The following PIK3C2G variants were observed in gnomAD, a reference collection of about 807,000 sequenced individuals.
PIK3C2G encodes phosphatidylinositol 3-kinase C2 domain-containing subunit gamma.
A neutral mutation model predicts 181.1 loss-of-function variants in PIK3C2G; 168 were observed. That is an observed-to-expected ratio of 0.93 (90% CI 0.82 to 1.05). The LOEUF (loss-of-function observed/expected upper bound fraction) is 1.05, where lower values mean the gene tolerates loss of function less well. Among genes scored for constraint, PIK3C2G ranks in the 50% least tolerant of loss-of-function variants. The pLI, the probability that PIK3C2G is intolerant of heterozygous loss-of-function variation, is 0.00. For missense variants in PIK3C2G, 1,869 were observed against 1,732.8 expected (o/e 1.08, Z -1.40); for synonymous variants, 573 against 592.2 (o/e 0.97, Z 0.47).
At chr12:18,294,246 T>G (rs972527673) in intron 5 of PIK3C2G, among the ~76,000 whole-genome samples, 1 of 152,120 alleles carries the variant, frequency 6.6e-6, no homozygotes, top group Non-Finnish European at 1.5e-5. Context: ...GACCTGTGAC[T>G]AGGGTGACCA....
chr12:18,282,509 T>C lies in PIK3C2G; in HGVS notation c.428T>C (p.Ile143Thr), dbSNP rs1302155146. The C allele has an allele frequency of 3.7e-6, 6 of 1,612,094 alleles. No homozygotes were observed. Among genetic ancestry groups the C allele is most frequent in the South Asian group, 1.1e-5 (1 of 91,046 alleles). Reference sequence around the variant, plus strand: ...GGTGCTGATGATTCCAGATTCAGTATTTTAGCTCCATCATTCACAAGTTTG... The same window carrying C: ...GGTGCTGATGATTCCAGATTCAGTACTTTAGCTCCATCATTCACAAGTTTG... ...HHGADDSRFS[I>T]LAPSFTSLDK... Residue 143 changes from isoleucine (I) to threonine (T), a missense_variant, in exon 2 of 33, where the codon ATT (isoleucine) becomes ACT (threonine). Physicochemically the swap from Ile to Thr is moderately conservative, Grantham distance 89. Coordinates refer to ENST00000538779, the MANE Select transcript of PIK3C2G (RefSeq NM_001288772.2).
chr12:18,651,078 T>C (rs2136892492), downstream of PIK3C2G, among the ~76,000 whole-genome samples: 1 of 152,076 alleles, frequency 6.6e-6, no homozygotes, highest in African/African-American at 2.4e-5. Flanking sequence ...TGATCTGACC[T>C]CCCATCCTCA....
intron 18 of PIK3C2G, among the ~76,000 whole-genome samples, chr12:18,473,585 C>T (rs1209219217): frequency 1.3e-5 from 2 of 152,198 alleles, no homozygotes; most frequent in South Asian, 2.1e-4. Context: ...TCTAGAGCAG[C>T]CATTCAGTAC....
In PIK3C2G at chr12:18,266,815, C is replaced by T. The variant is rs558549137; in HGVS notation, c.-79+5238C>T. Among the ~76,000 whole-genome samples the T allele has an allele frequency of 1.6e-4, 24 of 151,860 alleles. No individual in the cohort carries two copies. In the South Asian group the frequency reaches 4.8e-3, roughly 30 times the overall value. The stretch of plus-strand genomic sequence containing the variant: ...CTTTTTCTTCCTCCTCTCGTCCTCT[C>T]TCCCTCCCTCCCTTCTTCCTCCTCC... On this transcript the variant is annotated intron_variant, in intron 1 of 32. Coordinates refer to ENST00000538779, the MANE Select transcript of PIK3C2G (RefSeq NM_001288772.2).
chr12:18,583,233 C>A (rs1280226420), intron 29 of PIK3C2G, among the ~76,000 whole-genome samples: 6 of 152,066 alleles, frequency 3.9e-5, no homozygotes, highest in African/African-American at 1.4e-4. Flanking sequence ...GAAGGGCAAG[C>A]CACTATATTT....
intron 18 of PIK3C2G, among the ~76,000 whole-genome samples, chr12:18,484,738 C>T (rs924850012): frequency 2.0e-5 from 3 of 152,174 alleles, no homozygotes; most frequent in Admixed American, 2.0e-4. Flanking sequence ...CTCTTAGCCA[C>T]TTAGAGGTAA....
chr12:18,295,686 A>G (rs1436533130), intron 5 of PIK3C2G, among the ~76,000 whole-genome samples: 1 of 149,100 alleles, frequency 6.7e-6, no homozygotes. Context: ...AAGTTGCCAA[A>G]TATTAATATA....
intron 5 of PIK3C2G, among the ~76,000 whole-genome samples, chr12:18,310,683 G>A (rs1037704615): frequency 2.1e-4 from 32 of 151,742 alleles, no homozygotes; most frequent in African/African-American, 6.5e-4. Flanking sequence ...ATATGTTTAT[G>A]AATGTCAAGG....
upstream of PIK3C2G, among the ~76,000 whole-genome samples, chr12:18,259,057 T>C (rs1213213259): frequency 1.3e-5 from 2 of 152,154 alleles, no homozygotes; most frequent in Non-Finnish European, 2.9e-5. Context: ...TACCTGTATC[T>C]GCCTTCATTT....
intron 18 of PIK3C2G, among the ~76,000 whole-genome samples, chr12:18,443,967 A>G (rs557164709): frequency 1.3e-5 from 2 of 150,736 alleles, no homozygotes; most frequent in Non-Finnish European, 2.9e-5. Flanking sequence ...AACTATGCAA[A>G]TACTCCAGGC....
rs79817707 is a variant in PIK3C2G, at chr12:18,515,790, G to A, written c.3323+10329G>A. Among the ~76,000 whole-genome samples, 626 of 151,736 alleles carry A rather than the reference G, an allele frequency of 4.1e-3. 4 individuals carry two copies. Among genetic ancestry groups the A allele is most frequent in the African/African-American group, 0.014 (599 of 41,404 alleles). Reference sequence around the variant, plus strand: ...TGTTCCTGTTTTTCTAGTTCCATGAGGTATAACTTTAGGTTGTTTTTTAAA... The same window carrying A: ...TGTTCCTGTTTTTCTAGTTCCATGAAGTATAACTTTAGGTTGTTTTTTAAA... On this transcript the variant is annotated intron_variant, in intron 24 of 32. Coordinates refer to ENST00000538779, the MANE Select transcript of PIK3C2G (RefSeq NM_001288772.2).
the PIK3C2G span, among the ~76,000 whole-genome samples, chr12:18,725,590 T>C: frequency 1.3e-5 from 2 of 152,250 alleles, no homozygotes; most frequent in African/African-American, 4.8e-5. Flanking sequence ...GTTCTCACTG[T>C]ACCTCCTTTG....
Position 18,282,661 on chromosome 12 carries a change from AG to A in PIK3C2G, c.582del (p.Ser195ValfsTer4), listed in dbSNP as rs1408236850. On this transcript the variant is annotated frameshift_variant, in exon 2 of 33. Coordinates refer to ENST00000538779, the MANE Select transcript of PIK3C2G (RefSeq NM_001288772.2). LOFTEE classifies it high-confidence loss of function. ...CTTCATGCCGAAAGAAGAGAATAAA[AG>A]GAGTGGACATGTGAACATTGTGGAA... ...SDFMPKEENK[R>X]SGHVNIVEPS... 1 of 1,613,488 alleles carries A rather than the reference AG, an allele frequency of 6.2e-7. No individual in the cohort carries two copies. Among genetic ancestry groups the A allele is most frequent in the Non-Finnish European group, 8.5e-7 (1 of 1,179,460 alleles).
chr12:18,702,189 G>T, the PIK3C2G span, among the ~76,000 whole-genome samples: 2 of 151,544 alleles, frequency 1.3e-5, no homozygotes, highest in African/African-American at 4.9e-5. Flanking sequence ...ATGAAATCAG[G>T]TATATTAAAA....
intron 24 of PIK3C2G, among the ~76,000 whole-genome samples, chr12:18,519,059 A>C (rs574317347): frequency 6.6e-6 from 1 of 152,338 alleles, no homozygotes; most frequent in East Asian, 1.9e-4. Context: ...GAGTTTCTTA[A>C]TACTGAGTTC....
chr12:18,673,971 C>T, the PIK3C2G span, among the ~76,000 whole-genome samples: 2 of 152,134 alleles, frequency 1.3e-5, no homozygotes, highest in Non-Finnish European at 2.9e-5. Flanking sequence ...AGTGACATCA[C>T]CTTCATGTTG....
chr12:18,283,951 C>T (rs966945620), intron 2 of PIK3C2G, among the ~76,000 whole-genome samples: 3 of 152,080 alleles, frequency 2.0e-5, no homozygotes, highest in Non-Finnish European at 4.4e-5. Flanking sequence ...GCTATGCAGG[C>T]TGCTGGAGCC....
chr12:18,434,816 C>T (rs1946358878), intron 18 of PIK3C2G, among the ~76,000 whole-genome samples: 2 of 152,124 alleles, frequency 1.3e-5, no homozygotes, highest in Non-Finnish European at 1.5e-5. Context: ...TATTAATTGG[C>T]TTTCTTTTCA....
intron 13 of PIK3C2G, among the ~76,000 whole-genome samples, chr12:18,378,619 C>T (rs1397907977): frequency 6.6e-6 from 1 of 152,160 alleles, no homozygotes; most frequent in Non-Finnish European, 1.5e-5. Flanking sequence ...ATCTTCTCAT[C>T]TGACAAAGGG....
Sources: allele counts gnomAD v4.1 joint callset (sites outside exome capture counted in the v4.1 genomes callset), GRCh38; gene constraint gnomAD v4.1.1; transcripts MANE v1.5; gene names NCBI Gene and HGNC (gene_info 2026-07-23, HGNC 2026-07-21).